BANK1: variants seen among roughly 807,000 people sequenced by gnomAD.
BANK1 encodes the protein B-cell scaffold protein with ankyrin repeats.
In BANK1, 95 loss-of-function variants were observed where a neutral mutation model predicts 94.5. That is an observed-to-expected ratio of 1.00 (90% CI 0.85 to 1.19). BANK1 has a LOEUF of 1.19. Ranked by LOEUF, BANK1 falls within the 50% of genes most tolerant of loss-of-function variation. The pLI, the probability that BANK1 is intolerant of heterozygous loss-of-function variation, is 0.00. For missense variants in BANK1, 987 were observed against 932.2 expected (o/e 1.06, Z -0.77); for synonymous variants, 334 against 308.4 (o/e 1.08, Z -0.87).
intron 4 of BANK1, among the ~76,000 whole-genome samples, chr4:101,867,440 T>C (rs1375461501): frequency 1.3e-5 from 2 of 151,802 alleles, no homozygotes; most frequent in South Asian, 2.1e-4. Flanking sequence ...AGGGAAATAA[T>C]GTAGGTCAGA....
chr4:101,923,735 A>G (rs1008124763), intron 7 of BANK1, among the ~76,000 whole-genome samples: 3 of 151,870 alleles, frequency 2.0e-5, no homozygotes, highest in Non-Finnish European at 4.4e-5. Context: ...TGGGATGTGC[A>G]GTTGTGTGAA....
intron 7 of BANK1, among the ~76,000 whole-genome samples, chr4:101,927,632 G>A (rs553794028): frequency 1.3e-5 from 2 of 151,508 alleles, no homozygotes; most frequent in Non-Finnish European, 3.0e-5. Flanking sequence ...TTTTAGTATA[G>A]GCAATGGAAT....
At position 102,025,485 on chromosome 4, in the gene BANK1, G is replaced by C; in HGVS notation, c.1570G>C (p.Glu524Gln). The change falls in exon 9 of 17, where the codon GAA becomes CAA. Residue 524 changes from glutamate to glutamine, a missense_variant. Physicochemically the swap from Glu to Gln is conservative, Grantham distance 29. Coordinates refer to ENST00000322953, the MANE Select transcript of BANK1 (RefSeq NM_017935.5). ...PRPVANAFQL[E>Q]RPHFTLPGTM... ...ACCTGTAGCTAATGCCTTCCAACTG[G>C]AAAGACCTCACTTCACCTTACCAGG... The C allele has an allele frequency of 6.2e-7, 1 of 1,613,610 alleles. No homozygotes were observed. Among genetic ancestry groups the C allele is most frequent in the South Asian group, 1.1e-5 (1 of 91,056 alleles).
intron 7 of BANK1, among the ~76,000 whole-genome samples, chr4:101,969,334 A>G (rs1459661618): frequency 6.6e-6 from 1 of 152,140 alleles, no homozygotes; most frequent in African/African-American, 2.4e-5. Flanking sequence ...TGGGAAGGAA[A>G]TTGTGTCTCT....
At chr4:102,050,581 A>C (rs1034090993) in intron 11 of BANK1, among the ~76,000 whole-genome samples, 2 of 152,214 alleles carry the variant, frequency 1.3e-5, no homozygotes, top group Non-Finnish European at 2.9e-5. Context: ...TATTTTAGCA[A>C]TAATCCACAC....
At chr4:102,069,375 G>C (rs1728687534) in intron 13 of BANK1, among the ~76,000 whole-genome samples, 1 of 152,160 alleles carries the variant, frequency 6.6e-6, no homozygotes, top group South Asian at 2.1e-4. Flanking sequence ...CATGTGAAAA[G>C]ATGCTCAATA....
intron 2 of BANK1, among the ~76,000 whole-genome samples, chr4:101,833,927 A>G (rs1490639449): frequency 6.6e-6 from 1 of 152,158 alleles, no homozygotes; most frequent in Non-Finnish European, 1.5e-5. Flanking sequence ...AAAAGAAAAA[A>G]GTGTTACAAT....
intron 9 of BANK1, among the ~76,000 whole-genome samples, chr4:102,027,643 C>T (rs1727147212): frequency 6.8e-6 from 1 of 146,772 alleles, no homozygotes; most frequent in South Asian, 2.2e-4. Context: ...TTATGAGTAG[C>T]TTCCATCTGC....
At chr4:101,936,404 TGC>T (rs1723555907) in intron 7 of BANK1, among the ~76,000 whole-genome samples, 1 of 150,138 alleles carries the variant, frequency 6.7e-6, no homozygotes, top group Non-Finnish European at 1.5e-5. Flanking sequence ...TGTATATATG[TGC>T]GTATGCATGT....
intron 7 of BANK1, among the ~76,000 whole-genome samples, chr4:101,987,920 C>T (rs139953221): frequency 2.0e-4 from 31 of 152,198 alleles, no homozygotes; most frequent in African/African-American, 7.5e-4. Context: ...GCATGAAAAG[C>T]CAGTGCAAGA....
intron 2 of BANK1, among the ~76,000 whole-genome samples, chr4:101,836,256 A>T (rs1726822511): frequency 6.6e-6 from 1 of 152,102 alleles, no homozygotes; most frequent in South Asian, 2.1e-4. Flanking sequence ...TGAGGCAGGC[A>T]GATCACTTGA....
intron 6 of BANK1, among the ~76,000 whole-genome samples, chr4:101,905,753 G>T (rs1391116873): frequency 6.6e-6 from 1 of 152,106 alleles, no homozygotes; most frequent in Admixed American, 6.5e-5. Context: ...CTTTCCCTCT[G>T]AGAGGTCACA....
At chr4:101,972,692 C>T (rs1724996520) in intron 7 of BANK1, 1 of 152,066 alleles carries the variant, frequency 6.6e-6, no homozygotes, top group African/African-American at 2.4e-5. Flanking sequence ...TATCTATTCC[C>T]CAGATATGCC....
At chr4:102,010,391 CTTT>C (rs1209533993) in intron 7 of BANK1, among the ~76,000 whole-genome samples, 5 of 130,420 alleles carry the variant, frequency 3.8e-5, no homozygotes, top group Admixed American at 1.6e-4. Context: ...TGATTAATTT[CTTT>C]TTTTTTTTTT....
chr4:101,817,810 C>G (rs1168351985), intron 1 of BANK1, among the ~76,000 whole-genome samples: 1 of 151,670 alleles, frequency 6.6e-6, no homozygotes, highest in Admixed American at 6.6e-5. Flanking sequence ...GATTTGTAAA[C>G]TTTCTTAAAA....
chr4:101,827,751 A>G (rs1726419890), intron 1 of BANK1, among the ~76,000 whole-genome samples: 1 of 152,040 alleles, frequency 6.6e-6, no homozygotes, highest in Admixed American at 6.5e-5. Context: ...ATGATAAAAC[A>G]TAGTGAAAAT....
intron 6 of BANK1, among the ~76,000 whole-genome samples, chr4:101,904,722 A>T (rs575774661): frequency 6.0e-4 from 91 of 152,306 alleles, no homozygotes; most frequent in Admixed American, 5.9e-3. Flanking sequence ...CCATAAATTT[A>T]TAGGTACAGA....
intron 7 of BANK1, among the ~76,000 whole-genome samples, chr4:102,018,191 A>G (rs1317493164): frequency 6.6e-6 from 1 of 152,172 alleles, no homozygotes. Flanking sequence ...AGAATAATAT[A>G]TATTTTTCTA....
chr4:102,059,982 C>T (rs1372864676), intron 11 of BANK1, among the ~76,000 whole-genome samples: 1 of 152,196 alleles, frequency 6.6e-6, no homozygotes. Context: ...CCTTTCTCTC[C>T]TTGTCCTTTT....
Sources: allele counts gnomAD v4.1 joint callset (sites outside exome capture counted in the v4.1 genomes callset), GRCh38; gene constraint gnomAD v4.1.1; transcripts MANE v1.5; gene names NCBI Gene and HGNC (gene_info 2026-07-23, HGNC 2026-07-21).